RNF168: variants seen among roughly 807,000 people sequenced by gnomAD.
The protein encoded by RNF168 is ring finger protein 168, also known as E3 ubiquitin-protein ligase RNF168.
In RNF168, 34 loss-of-function variants were observed where a neutral mutation model predicts 34.9. The ratio of observed to expected loss-of-function variants is 0.97; its 90% confidence interval spans 0.74 to 1.30. The LOEUF (loss-of-function observed/expected upper bound fraction) is 1.30. Ranked by LOEUF, RNF168 falls within the 50% of genes most tolerant of loss-of-function variation. The pLI is 0.00. For synonymous variants in RNF168, 264 were observed against 254.7 expected, an observed-to-expected ratio of 1.04 and a Z score of -0.35; for missense variants, 725 against 682.5, an observed-to-expected ratio of 1.06 and a Z score of -0.69.
rs1340188096 is a variant in RNF168, at chr3:196,475,441, T to G, written c.681-129A>C. The G allele has an allele frequency of 5.8e-6, 4 of 690,644 alleles. No homozygotes were observed. In the East Asian group the frequency reaches 1.1e-4, roughly 19 times the overall value. 42.8% of individuals were successfully genotyped at this position (690,644 alleles called of 1,614,324 possible). On this transcript the variant is annotated intron_variant, in intron 4 of 5. Coordinates refer to ENST00000318037, the MANE Select transcript of RNF168 (RefSeq NM_152617.4). ...GCTGTTTTATCAGAGTGTATCTCAT[T>G]TCCGTGCTTCAGATATTTTGGTCAA...
rs996205216 is a variant in RNF168 at position 196,470,613 on chromosome 3, C to T, written c.*1206G>A. On this transcript the variant is annotated 3_prime_UTR_variant, in exon 6 of 6. Transcript: ENST00000318037. Reference sequence around the variant, plus strand: ...TGATCCAGACTGTCAGTCACCCCATCCAGCCTCAGCCTCATCCTCGTCTGG... The same window carrying T: ...TGATCCAGACTGTCAGTCACCCCATTCAGCCTCAGCCTCATCCTCGTCTGG... The T allele has an allele frequency of 6.6e-6, 1 of 152,510 alleles. No individual in the cohort carries two copies. The highest frequency in any genetic ancestry group is 1.5e-5 in the Non-Finnish European group (1 of 68,568). The allele number at this position is 152,510 out of a possible 1,614,324, so 9.4% of individuals were successfully genotyped here.
chr3:196,496,358 T>TA (rs1437460124), intron 1 of RNF168, among the ~76,000 whole-genome samples: 1 of 152,176 alleles, frequency 6.6e-6, no homozygotes, highest in East Asian at 1.9e-4. Context: ...CTGATAACCT[T>TA]AGACGTTCCT....
rs369742653 is a variant in RNF168, at chr3:196,493,548, G to A, written c.302-4865C>T. Among the ~76,000 whole-genome samples, 169 of 151,106 alleles carry A rather than the reference G, an allele frequency of 1.1e-3. 1 individual carries two copies. Among genetic ancestry groups the A allele is most frequent in the African/African-American group, 3.9e-3 (161 of 41,144 alleles). ...TTGCTATTTCTTTTTCTTCTTTGAC[G>A]GAGTTTCGCTCTTGTTGCCCAGGCT... On this transcript the variant is annotated intron_variant, in intron 1 of 5. Coordinates refer to ENST00000318037, the MANE Select transcript of RNF168 (RefSeq NM_152617.4).
chr3:196,501,001 G>A lies in RNF168; in HGVS notation c.301+1872C>T, dbSNP rs145765040. Among the ~76,000 whole-genome samples, 420 of 152,300 alleles carry A rather than the reference G, an allele frequency of 2.8e-3. 23 individuals carry two copies. The South Asian group carries it at 0.071, about 26-fold the overall frequency. On this transcript the variant is annotated intron_variant, in intron 1 of 5. Coordinates refer to ENST00000318037, the MANE Select transcript of RNF168 (RefSeq NM_152617.4). ...GCTGGGATTACAGGCGTGAGCCGCC[G>A]CGCCCGGCCCCGCAATTTTTTGACA...
Position 196,472,540 on chromosome 3 carries a change from C to T in RNF168, c.995G>A (p.Arg332Gln), listed in dbSNP as rs919100386. Reference sequence around the variant, plus strand: ...CGAGTAGGGAACTCTGGTTTTAGGTCGCTCGTGACTTAAGACACATAACTC... The same window carrying T: ...CGAGTAGGGAACTCTGGTTTTAGGTTGCTCGTGACTTAAGACACATAACTC... ...GKELCVLSHE[R>Q]PKTRVPYSKE... is the part of the protein sequence containing the mutation. The change falls in exon 6 of 6, where the codon CGA (arginine) becomes CAA (glutamine). Residue 332 changes from arginine to glutamine, a missense_variant. Coordinates refer to ENST00000318037, the MANE Select transcript of RNF168 (RefSeq NM_152617.4). 1.1e-5 allele frequency: 18 copies of T among 1,614,048 alleles called. No individual in the cohort carries two copies. Among genetic ancestry groups the T allele is most frequent in the African/African-American group, 4.0e-5 (3 of 74,934 alleles).
intron 4 of RNF168, among the ~76,000 whole-genome samples, chr3:196,480,879 A>G (rs1453439786): frequency 6.6e-6 from 1 of 152,098 alleles, no homozygotes; most frequent in Admixed American, 6.6e-5. Flanking sequence ...TCCTGGGCTC[A>G]AGCAATCCTC....
intron 1 of RNF168, among the ~76,000 whole-genome samples, chr3:196,498,025 C>T (rs2108654879): frequency 6.6e-6 from 1 of 152,296 alleles, no homozygotes; most frequent in Admixed American, 6.5e-5. Context: ...ACTATCAATA[C>T]AAATCAACTG....
intron 4 of RNF168, among the ~76,000 whole-genome samples, chr3:196,476,791 A>G (rs1732160528): frequency 6.6e-6 from 1 of 151,100 alleles, no homozygotes; most frequent in African/African-American, 2.4e-5. Context: ...CTCTGTCGCC[A>G]GGCTGGAGTG....
chr3:196,471,731 T>C lies in RNF168; in HGVS notation c.*88A>G. ...CAATGAGTGTGCCTAGAGAGCAGCATGAATGACACATGGATGAAGATTCCA... is the reference window on the plus strand; with the variant it reads ...CAATGAGTGTGCCTAGAGAGCAGCACGAATGACACATGGATGAAGATTCCA... On this transcript the variant is annotated 3_prime_UTR_variant, in exon 6 of 6. Transcript: ENST00000318037. The C allele has an allele frequency of 3.4e-6, 3 of 891,838 alleles. No homozygotes were observed. 55.2% of individuals were successfully genotyped at this position (891,838 alleles called of 1,614,324 possible).
At chr3:196,482,810 A>G (rs956593190) in intron 4 of RNF168, among the ~76,000 whole-genome samples, 3 of 152,162 alleles carry the variant, frequency 2.0e-5, no homozygotes, top group Non-Finnish European at 2.9e-5. Context: ...TTGTTGAGTT[A>G]TAAGAGTTTT....
chr3:196,478,776 C>G (rs1732214096), intron 4 of RNF168, among the ~76,000 whole-genome samples: 1 of 151,352 alleles, frequency 6.6e-6, no homozygotes, highest in Non-Finnish European at 1.5e-5. Flanking sequence ...AAGCAACTCT[C>G]CTGCCTCAGC....
chr3:196,474,284 C>T (rs976112154), intron 5 of RNF168, among the ~76,000 whole-genome samples: 1 of 132,126 alleles, frequency 7.6e-6, no homozygotes, highest in Non-Finnish European at 1.7e-5. Flanking sequence ...TGTGCCACAC[C>T]TGGCTAATTT....
chr3:196,472,671 T>C lies in RNF168; in HGVS notation c.864A>G (p.Gln288=), dbSNP rs35121944. ...GGGACTCTATTGAAGAATCTGCACC[T>C]TGTTCTCCAACTCCAAGGGATATCT... is the stretch of plus-strand genomic sequence containing the variant. The part of the protein sequence containing the change: ...SPQISLGVGE[Q]GADSSIESPM... The change falls in exon 6 of 6, where the codon CAA becomes CAG. Residue 288 remains glutamine, a synonymous_variant. Coordinates refer to ENST00000318037, the MANE Select transcript of RNF168 (RefSeq NM_152617.4). The C allele has an allele frequency of 5.3e-4, 849 of 1,605,736 alleles. 4 individuals are homozygous for C. In the African/African-American group the frequency reaches 8.2e-3, roughly 16 times the overall value.
chr3:196,492,241 G>A (rs924221775), intron 1 of RNF168, among the ~76,000 whole-genome samples: 1 of 152,208 alleles, frequency 6.6e-6, no homozygotes, highest in African/African-American at 2.4e-5. Flanking sequence ...GCTCATGCCT[G>A]TAATCCCAGC....
At chr3:196,479,158 GCT>G (rs1347757216) in intron 4 of RNF168, among the ~76,000 whole-genome samples, 2 of 151,100 alleles carry the variant, frequency 1.3e-5, no homozygotes, top group Non-Finnish European at 1.5e-5. Flanking sequence ...GATTACAGGT[GCT>G]CGCCACCACA....
intron 1 of RNF168, among the ~76,000 whole-genome samples, chr3:196,494,782 C>T (rs569848715): frequency 1.3e-5 from 2 of 152,128 alleles, no homozygotes; most frequent in South Asian, 2.1e-4. Context: ...CAGCACTTTG[C>T]GAGGATGAGG....
rs1008573167 is a variant in RNF168, at chr3:196,503,594, C to T, written c.-421G>A. ...CCCGGGACGCGGCTCCGGGAGGAAG[C>T]CCGGGCTCCGGCTGCAGCATAACTT... is the stretch of plus-strand genomic sequence containing the variant. On this transcript the variant is annotated 5_prime_UTR_variant, in exon 1 of 6. Coordinates refer to ENST00000318037, the MANE Select transcript of RNF168 (RefSeq NM_152617.4). The T allele has an allele frequency of 2.1e-5, 5 of 237,894 alleles. No individual in the cohort carries two copies. The South Asian group carries it at 2.2e-4, about 11-fold the overall frequency. 14.7% of individuals were successfully genotyped at this position (237,894 alleles called of 1,614,324 possible).
chr3:196,483,133 C>T (rs1461588290), intron 4 of RNF168, among the ~76,000 whole-genome samples: 1 of 151,020 alleles, frequency 6.6e-6, no homozygotes, highest in Non-Finnish European at 1.5e-5. Context: ...CCTCATTTAA[C>T]ATTCTCTTCT....
chr3:196,475,245 C>T lies in RNF168; in HGVS notation c.748G>A (p.Asp250Asn), dbSNP rs2108645262. ...TATCAACATACCTTAGATACGGAGT[C>T]TTTCCTGACTTCTTGTACAGCTTCA... is the stretch of plus-strand genomic sequence containing the variant. Reference protein sequence around the residue: ...HSEAVQEVRKDSVSKDIDSSD... With the variant: ...HSEAVQEVRKNSVSKDIDSSD... Residue 250 changes from aspartate to asparagine, a missense_variant, in exon 5 of 6, where the codon GAC (aspartate) becomes AAC (asparagine). Transcript: ENST00000318037. 1 of 1,601,304 alleles carries T rather than the reference C, an allele frequency of 6.2e-7. No individual in the cohort carries two copies. Among genetic ancestry groups the T allele is most frequent in the East Asian group, 2.2e-5 (1 of 44,810 alleles).
Sources: allele counts gnomAD v4.1 joint callset (sites outside exome capture counted in the v4.1 genomes callset), GRCh38; gene constraint gnomAD v4.1.1; transcripts MANE v1.5; gene names NCBI Gene and HGNC (gene_info 2026-07-23, HGNC 2026-07-21).